The following HS6ST3 variants were observed in gnomAD, a reference collection of about 807,000 sequenced individuals.
HS6ST3 encodes the protein heparan-sulfate 6-O-sulfotransferase 3.
HS6ST3 carries 12 observed loss-of-function variants against 36.7 expected under a neutral mutation model. The ratio of observed to expected loss-of-function variants is 0.33; its 90% CI spans 0.21 to 0.53. The LOEUF (loss-of-function observed/expected upper bound fraction) is 0.53, where lower values mean the gene tolerates loss of function less well. HS6ST3 is among the 20% of genes least tolerant of loss of function. The pLI is 0.95. For missense variants in HS6ST3, 584 were observed against 640.9 expected (o/e 0.91, Z 0.96); for synonymous variants, 240 against 257.5 (o/e 0.93, Z 0.65).
intron 1 of HS6ST3, among the ~76,000 whole-genome samples, chr13:96,734,298 G>C (rs969224387): frequency 1.3e-5 from 2 of 152,170 alleles, no homozygotes; most frequent in African/African-American, 4.8e-5. Context: ...TTTGCTCCTA[G>C]CTTGGTCATA....
At chr13:96,202,304 T>C (rs1241089815) in intron 1 of HS6ST3, among the ~76,000 whole-genome samples, 1 of 152,192 alleles carries the variant, frequency 6.6e-6, no homozygotes, top group Non-Finnish European at 1.5e-5. Flanking sequence ...ACTCCTCACA[T>C]CCAGTTGAAA....
chr13:96,716,506 A>G (rs936869542), intron 1 of HS6ST3, among the ~76,000 whole-genome samples: 2 of 152,172 alleles, frequency 1.3e-5, no homozygotes, highest in Non-Finnish European at 2.9e-5. Flanking sequence ...ACATGTCACT[A>G]AGTAATTGCA....
At chr13:96,388,683 C>G (rs2055380658) in intron 1 of HS6ST3, among the ~76,000 whole-genome samples, 1 of 152,112 alleles carries the variant, frequency 6.6e-6, no homozygotes, top group African/African-American at 2.4e-5. Context: ...CTATAATCCC[C>G]AAGTGTTAAG....
intron 1 of HS6ST3, among the ~76,000 whole-genome samples, chr13:96,522,679 TTG>T (rs142706328): frequency 0.8 from 119,701 of 150,090 alleles, 49,108 homozygotes; most frequent in Non-Finnish European, 0.9. Context: ...ACCCCTGCTT[TTG>T]TGTGTGTGTG....
At chr13:96,660,765 G>A (rs1041179038) in intron 1 of HS6ST3, among the ~76,000 whole-genome samples, 1 of 152,162 alleles carries the variant, frequency 6.6e-6, no homozygotes, top group African/African-American at 2.4e-5. Context: ...ATTGAAGGAT[G>A]CAAAGTATTG....
intron 1 of HS6ST3, among the ~76,000 whole-genome samples, chr13:96,759,442 G>T (rs1008992079): frequency 6.6e-6 from 1 of 151,386 alleles, no homozygotes; most frequent in Non-Finnish European, 1.5e-5. Context: ...TATACCTTTT[G>T]TGTGTTTTAT....
chr13:96,492,254 C>T (rs1001790212), intron 1 of HS6ST3, among the ~76,000 whole-genome samples: 15 of 152,204 alleles, frequency 9.9e-5, no homozygotes, highest in African/African-American at 3.6e-4. Flanking sequence ...ATTCTGCAGA[C>T]AGTGACACTC....
chr13:96,414,997 A>G (rs1220018291), intron 1 of HS6ST3, among the ~76,000 whole-genome samples: 3 of 152,120 alleles, frequency 2.0e-5, no homozygotes, highest in Non-Finnish European at 4.4e-5. Flanking sequence ...AGAATTCAAC[A>G]TGTTTTATTT....
At chr13:96,679,403 A>G (rs1297994920) in intron 1 of HS6ST3, among the ~76,000 whole-genome samples, 1 of 151,762 alleles carries the variant, frequency 6.6e-6, no homozygotes, top group African/African-American at 2.4e-5. Flanking sequence ...ACCCCAAGAG[A>G]CTGAGACCAG....
intron 1 of HS6ST3, among the ~76,000 whole-genome samples, chr13:96,309,968 A>G (rs2054932204): frequency 6.6e-6 from 1 of 152,166 alleles, no homozygotes; most frequent in African/African-American, 2.4e-5. Flanking sequence ...TTTTACATAA[A>G]TGAAATACAT....
intron 1 of HS6ST3, among the ~76,000 whole-genome samples, chr13:96,355,397 ACACAC>A (rs2055205138): frequency 7.0e-6 from 1 of 142,718 alleles, no homozygotes; most frequent in East Asian, 2.0e-4. Flanking sequence ...ACACACACAC[ACACAC>A]AAACACACAA....
intron 1 of HS6ST3, among the ~76,000 whole-genome samples, chr13:96,741,537 A>G (rs1401997329): frequency 6.6e-6 from 1 of 152,148 alleles, no homozygotes; most frequent in Non-Finnish European, 1.5e-5. Flanking sequence ...GCAAACATTT[A>G]TAAAGCACCA....
At chr13:96,770,959 A>G (rs1168211870) in intron 1 of HS6ST3, among the ~76,000 whole-genome samples, 1 of 152,326 alleles carries the variant, frequency 6.6e-6, no homozygotes, top group Admixed American at 6.5e-5. Flanking sequence ...TTAAAAGAAC[A>G]CAGGGTATAT....
chr13:96,129,800 A>G (rs1294111245), intron 1 of HS6ST3, among the ~76,000 whole-genome samples: 1 of 152,160 alleles, frequency 6.6e-6, no homozygotes, highest in Non-Finnish European at 1.5e-5. Flanking sequence ...AAAAGGGGAA[A>G]TTTGAAGACA....
chr13:96,521,988 A>T (rs1365487223), intron 1 of HS6ST3, among the ~76,000 whole-genome samples: 1 of 152,098 alleles, frequency 6.6e-6, no homozygotes, highest in Non-Finnish European at 1.5e-5. Context: ...GTGGGCATTT[A>T]GTGCTTTAAA....
rs148860188 is a variant in HS6ST3 at position 96,300,878 on chromosome 13, TG to T, written c.707+209311del. Among the ~76,000 whole-genome samples the T allele has an allele frequency of 1.1e-3, 171 of 152,340 alleles. 4 individuals carry two copies. In the East Asian group the frequency reaches 0.025, roughly 22 times the overall value. On this transcript the variant is annotated intron_variant, in intron 1 of 1. Transcript: ENST00000376705. The stretch of plus-strand genomic sequence containing the variant: ...GAGAAATATTTTTAAGAATGTTAAT[TG>T]GACAACATTTTGCGTAACATCAAAA...
chr13:96,599,116 A>G (rs1034123190), intron 1 of HS6ST3, among the ~76,000 whole-genome samples: 18 of 151,988 alleles, frequency 1.2e-4, no homozygotes, highest in African/African-American at 4.1e-4. Flanking sequence ...TGGATTGGAT[A>G]TTGGTCTGTA....
chr13:96,330,709 C>G (rs1354667531), intron 1 of HS6ST3, among the ~76,000 whole-genome samples: 1 of 148,766 alleles, frequency 6.7e-6, no homozygotes, highest in African/African-American at 2.5e-5. Flanking sequence ...CTCTGTATTT[C>G]CTGAATCTGA....
At chr13:96,373,462 A>T (rs2055299960) in intron 1 of HS6ST3, among the ~76,000 whole-genome samples, 1 of 152,210 alleles carries the variant, frequency 6.6e-6, no homozygotes, top group African/African-American at 2.4e-5. Flanking sequence ...TTCGTGATGT[A>T]TCATTTTTAT....
Sources: gnomAD v4.1 joint callset for allele counts (sites outside exome capture counted in the v4.1 genomes callset) on GRCh38, gnomAD v4.1.1 for gene constraint, MANE v1.5 for transcripts, NCBI Gene and HGNC (gene_info 2026-07-23, HGNC 2026-07-21) for gene names.